The following RAI14 variants were observed in gnomAD, a reference collection of about 807,000 sequenced individuals.
The protein encoded by RAI14 is retinoic acid induced 14.
In RAI14, 45 loss-of-function variants were observed where a neutral mutation model predicts 115.4. That is an observed-to-expected ratio of 0.39 (90% confidence interval 0.31 to 0.50). The LOEUF (loss-of-function observed/expected upper bound fraction) is 0.50, where lower values mean the gene tolerates loss of function less well. Among genes scored for constraint, RAI14 ranks in the 20% least tolerant of loss-of-function variants. The probability of loss-of-function intolerance (pLI) is 0.85; values close to 1 mark genes in which losing one functional copy is unlikely to be tolerated. For missense variants in RAI14, 939 were observed against 1,131.2 expected (o/e 0.83, Z 2.44); for synonymous variants, 371 against 415.4 (o/e 0.89, Z 1.30).
At chr5:34,807,049 G>T (rs1195084593) in intron 5 of RAI14, among the ~76,000 whole-genome samples, 1 of 152,184 alleles carries the variant, frequency 6.6e-6, no homozygotes, top group Non-Finnish European at 1.5e-5. Flanking sequence ...GCACGTGAGA[G>T]CTAATACTTA....
rs1406969261 is a variant in RAI14 at position 34,809,244 on chromosome 5, C to T, written c.450+590C>T. 5.9e-5 allele frequency among the ~76,000 whole-genome samples: 9 copies of T among 152,098 alleles called. No homozygotes were observed. In the South Asian group the frequency reaches 6.2e-4, roughly 11 times the overall value. On this transcript the variant is annotated intron_variant, in intron 7 of 17. Transcript: ENST00000265109. ...ATCTCATTTTTATTATTATTATTTT[C>T]CCATCACTCTAGTGTATTGACTTTG...
At chr5:34,796,320 T>C (rs1024645445) in intron 4 of RAI14, among the ~76,000 whole-genome samples, 1 of 150,962 alleles carries the variant, frequency 6.6e-6, no homozygotes, top group African/African-American at 2.4e-5. Flanking sequence ...ATCACTGGAA[T>C]CCTGGAGGCG....
intron 7 of RAI14, 31 bp from the exon 8 acceptor site, chr5:34,810,981 G>A (rs771984917): frequency 3.1e-6 from 5 of 1,609,454 alleles, no homozygotes; most frequent in Non-Finnish European, 4.2e-6. Flanking sequence ...TTGTGCCTGA[G>A]GTAAAATCTA....
chr5:34,701,537 T>C (rs1335114078), intron 2 of RAI14, among the ~76,000 whole-genome samples: 1 of 152,186 alleles, frequency 6.6e-6, no homozygotes, highest in Non-Finnish European at 1.5e-5. Flanking sequence ...CCCAAGTCTT[T>C]AGACAAACTC....
At chr5:34,750,428 G>T (rs1746825568) in intron 2 of RAI14, among the ~76,000 whole-genome samples, 2 of 152,144 alleles carry the variant, frequency 1.3e-5, no homozygotes, top group African/African-American at 4.8e-5. Flanking sequence ...GGGGGTCCAT[G>T]AGGCCTCCAG....
chr5:34,783,572 A>G (rs1751927061), intron 3 of RAI14, among the ~76,000 whole-genome samples: 1 of 152,194 alleles, frequency 6.6e-6, no homozygotes, highest in Non-Finnish European at 1.5e-5. Context: ...TGGTTTCTGT[A>G]GATGCTGTTC....
chr5:34,665,119 A>G (rs1389300831), intron 1 of RAI14, among the ~76,000 whole-genome samples: 3 of 74,544 alleles, frequency 4.0e-5, no homozygotes, highest in Non-Finnish European at 5.6e-5. Context: ...ATATATGTGT[A>G]TATATGTATG....
intron 2 of RAI14, chr5:34,688,062 C>A (rs1738071119): frequency 6.9e-7 from 1 of 1,444,062 alleles, no homozygotes; most frequent in Non-Finnish European, 9.1e-7. Flanking sequence ...CCTTCTTATC[C>A]TTTAGGTAAA....
chr5:34,663,185 C>T (rs60133708), intron 1 of RAI14, among the ~76,000 whole-genome samples: 3,129 of 152,162 alleles, frequency 0.021, 109 homozygotes, highest in African/African-American at 0.07. Context: ...ACATCAGGCC[C>T]ACTGAGAGAT....
At chr5:34,817,614 A>T (rs1167403650) in intron 12 of RAI14, among the ~76,000 whole-genome samples, 1 of 152,238 alleles carries the variant, frequency 6.6e-6, no homozygotes, top group Non-Finnish European at 1.5e-5. Context: ...CAAGTGAATA[A>T]AGATAATGAG....
At chr5:34,812,894 T>G (rs1020931643) in intron 10 of RAI14, among the ~76,000 whole-genome samples, 4 of 152,262 alleles carry the variant, frequency 2.6e-5, no homozygotes, top group African/African-American at 9.6e-5. Context: ...TGTTAGCTAT[T>G]TAATGAAAAT....
Position 34,808,568 on chromosome 5 carries a change from A to G in RAI14, c.380-16A>G, listed in dbSNP as rs753429088. The G allele has an allele frequency of 1.9e-6, 3 of 1,613,262 alleles. No homozygotes were observed. In the South Asian group the frequency reaches 3.3e-5, roughly 18 times the overall value. ...CTGTGTGATTGGCTGTGGTATTTAT[A>G]TTTTCCTTCCCCCAGCGGCTCAGGG... On this transcript the variant is annotated splice_polypyrimidine_tract_variant and intron_variant, in intron 6 of 17. Transcript: ENST00000265109.
intron 4 of RAI14, among the ~76,000 whole-genome samples, chr5:34,802,200 C>T (rs1464392055): frequency 2.0e-5 from 3 of 152,198 alleles, no homozygotes; most frequent in Non-Finnish European, 2.9e-5. Flanking sequence ...TGCTGCCTAA[C>T]GTCCTGTACT....
chr5:34,734,712 A>G (rs922070649), intron 2 of RAI14, among the ~76,000 whole-genome samples: 2 of 151,322 alleles, frequency 1.3e-5, no homozygotes, highest in South Asian at 4.2e-4. Context: ...CGTAGGCTGG[A>G]GTGCAGTGGC....
chr5:34,814,518 C>A, intron 11 of RAI14, 65 bp from the exon 12 acceptor site: 1 of 1,212,358 alleles, frequency 8.2e-7, no homozygotes, highest in Non-Finnish European at 1.2e-6. Context: ...GATTCTTCGG[C>A]ACTGGAGAAG....
At chr5:34,781,863 G>A (rs1751690878) in intron 3 of RAI14, among the ~76,000 whole-genome samples, 1 of 152,102 alleles carries the variant, frequency 6.6e-6, no homozygotes, top group Non-Finnish European at 1.5e-5. Flanking sequence ...AGTGTGGAGT[G>A]GGAAATCAGG....
chr5:34,819,619 TATA>T (rs1412540805), intron 13 of RAI14, among the ~76,000 whole-genome samples: 1 of 152,206 alleles, frequency 6.6e-6, no homozygotes, highest in Non-Finnish European at 1.5e-5. Flanking sequence ...AAGAATGTAA[TATA>T]GTACCTTCAG....
At chr5:34,812,536 G>T (rs112448574) in intron 10 of RAI14, among the ~76,000 whole-genome samples, 50 of 151,820 alleles carry the variant, frequency 3.3e-4, no homozygotes, top group African/African-American at 1.2e-3. Context: ...ATGGTGGTGC[G>T]TGCCTGTAAT....
chr5:34,708,303 A>G (rs1740970616), intron 2 of RAI14, among the ~76,000 whole-genome samples: 2 of 151,910 alleles, frequency 1.3e-5, no homozygotes, highest in Admixed American at 1.3e-4. Context: ...CCCGCGTTCA[A>G]GCGATTCTCC....
Sources: allele counts gnomAD v4.1 joint callset (sites outside exome capture counted in the v4.1 genomes callset), GRCh38; gene constraint gnomAD v4.1.1; transcripts MANE v1.5; gene names NCBI Gene and HGNC (gene_info 2026-07-23, HGNC 2026-07-21).